The following THADA variants were observed in gnomAD, a reference collection of about 807,000 sequenced individuals.
THADA encodes the protein tRNA (32-2'-O)-methyltransferase regulator THADA.
Under a neutral mutation model 219.8 loss-of-function variants are expected in THADA, and 213 were observed. That is an observed-to-expected ratio of 0.97 (90% confidence interval 0.87 to 1.09). The LOEUF is 1.09. THADA is among the 50% of genes least tolerant of loss of function. The pLI is 0.00. For missense variants in THADA, 2,956 were observed against 2,311.3 expected, an observed-to-expected ratio of 1.28 and a Z score of -5.72; for synonymous variants, 1,018 against 828.9, an observed-to-expected ratio of 1.23 and a Z score of -3.92.
intron 31 of THADA, among the ~76,000 whole-genome samples, chr2:43,304,306 A>C (rs1676595550): frequency 6.6e-6 from 1 of 152,200 alleles, no homozygotes; most frequent in African/African-American, 2.4e-5. Flanking sequence ...AATCACACAC[A>C]ACTTGTTCTA....
rs984691733 is a variant in THADA, at chr2:43,543,479, A to G, written c.3107-2163T>C. Among the ~76,000 whole-genome samples, 22 of 151,008 alleles carry G rather than the reference A, an allele frequency of 1.5e-4. No homozygotes were observed. The East Asian group carries it at 2.2e-3, about 15-fold the overall frequency. On this transcript the variant is annotated intron_variant, in intron 20 of 37. Transcript: ENST00000405975. ...ACTTCCACAATGGTTGAACTAGTTT[A>G]CAGTCCCACCAACAGTGTAAAAGTG...
At chr2:43,580,020 A>ACTT (rs1404293349) in intron 8 of THADA, among the ~76,000 whole-genome samples, 1 of 127,166 alleles carries the variant, frequency 7.9e-6, no homozygotes, top group Non-Finnish European at 1.7e-5. Context: ...AAAAAAAGCT[A>ACTT]CTTCTTTTTT....
chr2:43,401,936 G>T (rs1325460395), intron 28 of THADA, among the ~76,000 whole-genome samples: 1 of 145,654 alleles, frequency 6.9e-6, no homozygotes, highest in Non-Finnish European at 1.5e-5. Context: ...GTGGTTTTTT[G>T]TTGTTTTTTT....
chr2:43,281,275 T>C (rs922481327), intron 35 of THADA, among the ~76,000 whole-genome samples: 1 of 152,204 alleles, frequency 6.6e-6, no homozygotes, highest in Admixed American at 6.5e-5. Flanking sequence ...TCAGTCTCCA[T>C]TCTTTCTAGT....
intron 29 of THADA, 121 bp downstream of exon 29, chr2:43,397,850 A>T (rs1214872779): frequency 1.9e-6 from 2 of 1,041,964 alleles, no homozygotes; most frequent in East Asian, 2.4e-5. Context: ...GTAGAAAAAA[A>T]AAAGTTCTAC....
intron 29 of THADA, among the ~76,000 whole-genome samples, chr2:43,353,015 G>C (rs980461173): frequency 2.0e-5 from 3 of 152,116 alleles, no homozygotes; most frequent in Non-Finnish European, 4.4e-5. Context: ...TTCTGTGTCT[G>C]GCTTATTTCT....
intron 24 of THADA, among the ~76,000 whole-genome samples, chr2:43,502,036 A>G (rs1208659239): frequency 2.6e-5 from 4 of 152,246 alleles, no homozygotes; most frequent in Non-Finnish European, 4.4e-5. Flanking sequence ...ATGAAAACAC[A>G]TAACAGACGC....
intron 17 of THADA, among the ~76,000 whole-genome samples, chr2:43,554,678 A>G (rs1488736842): frequency 1.3e-5 from 2 of 152,208 alleles, no homozygotes; most frequent in African/African-American, 4.8e-5. Context: ...GTGATGCAAT[A>G]CAAGTCTCGG....
chr2:43,491,585 G>A (rs1687643873), intron 25 of THADA, among the ~76,000 whole-genome samples: 1 of 152,080 alleles, frequency 6.6e-6, no homozygotes, highest in African/African-American at 2.4e-5. Flanking sequence ...AATTAACACT[G>A]TGTTACAAAT....
intron 4 of THADA, among the ~76,000 whole-genome samples, chr2:43,589,382 T>C (rs573824485): frequency 2.0e-5 from 3 of 152,270 alleles, no homozygotes; most frequent in South Asian, 4.1e-4. Flanking sequence ...AAAATATAAA[T>C]ACAAATATTA....
intron 35 of THADA, among the ~76,000 whole-genome samples, chr2:43,283,877 C>T (rs1336587602): frequency 1.3e-5 from 2 of 152,138 alleles, no homozygotes; most frequent in Non-Finnish European, 2.9e-5. Flanking sequence ...GCAGAATTTG[C>T]ATAAGTAAAG....
intron 29 of THADA, among the ~76,000 whole-genome samples, chr2:43,378,186 C>A (rs1431905755): frequency 2.0e-5 from 3 of 152,064 alleles, no homozygotes; most frequent in Non-Finnish European, 1.5e-5. Context: ...GGAAGAGACA[C>A]CTTCATTGAA....
At chr2:43,454,602 A>AACACAC (rs35970227) in intron 26 of THADA, among the ~76,000 whole-genome samples, 9,632 of 149,006 alleles carry the variant, frequency 0.065, 330 homozygotes, top group South Asian at 0.084. Flanking sequence ...ACCCTGTCTA[A>AACACAC]ACACACACAC....
chr2:43,377,542 G>C (rs1671520145), intron 29 of THADA, among the ~76,000 whole-genome samples: 2 of 152,184 alleles, frequency 1.3e-5, no homozygotes, highest in Non-Finnish European at 2.9e-5. Flanking sequence ...TGAGAGCACT[G>C]TGCAAAGCTT....
At chr2:43,579,114 G>A (rs1700149546) in intron 8 of THADA, among the ~76,000 whole-genome samples, 1 of 152,228 alleles carries the variant, frequency 6.6e-6, no homozygotes, top group African/African-American at 2.4e-5. Flanking sequence ...ACAGGCATGA[G>A]CCACTGTGCC....
chr2:43,555,613 A>C (rs1423154472), intron 17 of THADA, among the ~76,000 whole-genome samples: 2 of 152,072 alleles, frequency 1.3e-5, no homozygotes, highest in Non-Finnish European at 2.9e-5. Flanking sequence ...ATCATCCTCC[A>C]TGGTACTGTC....
intron 4 of THADA, among the ~76,000 whole-genome samples, chr2:43,590,505 T>C (rs1701437407): frequency 6.6e-6 from 1 of 151,876 alleles, no homozygotes; most frequent in African/African-American, 2.4e-5. Flanking sequence ...TGAAACCACA[T>C]CTCTACTAAA....
intron 15 of THADA, chr2:43,566,191 A>G (rs1470306886): frequency 2.7e-5 from 11 of 400,824 alleles, no homozygotes; most frequent in Non-Finnish European, 3.6e-5. Context: ...AGAACCACAC[A>G]GAAGGAAAAA....
intron 22 of THADA, among the ~76,000 whole-genome samples, chr2:43,521,505 G>A (rs965861122): frequency 5.3e-5 from 8 of 152,256 alleles, no homozygotes; most frequent in African/African-American, 1.2e-4. Flanking sequence ...GCAGTGAGCC[G>A]AGATTGCACC....
Sources: gnomAD v4.1 joint callset for allele counts (sites outside exome capture counted in the v4.1 genomes callset) on GRCh38, gnomAD v4.1.1 for gene constraint, MANE v1.5 for transcripts, NCBI Gene and HGNC (gene_info 2026-07-23, HGNC 2026-07-21) for gene names.